BLM: variants seen among roughly 807,000 people sequenced by gnomAD.
The protein encoded by BLM is recQ-like DNA helicase BLM.
In BLM, 95 loss-of-function variants were observed where a neutral mutation model predicts 135.3. The observed-to-expected ratio is 0.70, with a 90% CI of 0.59 to 0.83. The LOEUF is 0.83. BLM is among the 40% of genes least tolerant of loss of function. The pLI is 0.00. For missense variants in BLM, 1,518 were observed against 1,663.9 expected, an observed-to-expected ratio of 0.91 and a Z score of 1.53; for synonymous variants, 520 against 589.2, an observed-to-expected ratio of 0.88 and a Z score of 1.70.
At chr15:90,772,578 C>T (rs1896351922) in intron 12 of BLM, among the ~76,000 whole-genome samples, 1 of 152,118 alleles carries the variant, frequency 6.6e-6, no homozygotes. Flanking sequence ...CTTCATATGC[C>T]TAGCAAGGGT....
At chr15:90,794,464 G>T (rs1332895294) in intron 16 of BLM, 107 bp downstream of exon 16, 2 of 828,570 alleles carry the variant, frequency 2.4e-6, no homozygotes, top group South Asian at 2.2e-5. Context: ...CAGATTAACA[G>T]GGGAAAGACA....
Position 90,804,206 on chromosome 15 carries a change from AAAC to A in BLM, c.3601_3603del (p.Gln1201del), listed in dbSNP as rs1391145517. On this transcript the variant is annotated inframe_deletion, in exon 19 of 22. Transcript: ENST00000355112. ...AACAGAAAATTCCAGCAGTGTGAAA[AAAC>A]AAAAAGCGTTAGTAGCAAAAGTGTC... 6.2e-7 allele frequency: 1 copy of A among 1,614,206 alleles called. No homozygotes were observed. The highest frequency in any genetic ancestry group is 8.5e-7 in the Non-Finnish European group (1 of 1,180,026).
intron 12 of BLM, among the ~76,000 whole-genome samples, chr15:90,771,484 C>T (rs368830448): frequency 6.6e-6 from 1 of 150,722 alleles, no homozygotes; most frequent in African/African-American, 2.4e-5. Flanking sequence ...AAGGCCCTGT[C>T]TCAAAAACAA....
intron 1 of BLM, 57 bp from the exon 2 acceptor site, chr15:90,747,332 A>C: frequency 1.5e-6 from 2 of 1,370,804 alleles, no homozygotes; most frequent in Non-Finnish European, 2.1e-6. Context: ...CTCAAAAAAC[A>C]TTGTGATTAA....
intron 12 of BLM, among the ~76,000 whole-genome samples, chr15:90,777,264 G>T (rs1003773922): frequency 1.3e-5 from 2 of 152,078 alleles, no homozygotes; most frequent in African/African-American, 4.8e-5. Context: ...TGATTCTCCT[G>T]CCTCAGCCTC....
In BLM at chr15:90,798,272, GAA is replaced by G; in HGVS notation, c.3295_3296del (p.Asn1099TyrfsTer23). The G allele has an allele frequency of 1.2e-6, 2 of 1,612,394 alleles. No individual in the cohort carries two copies. Among genetic ancestry groups the G allele is most frequent in the Non-Finnish European group, 1.7e-6 (2 of 1,179,036 alleles). ...GAACATAGTTCATCACAAGGAATGA[GAA>G]ATATAAAACATGTAGGTCCTTCTGG... On this transcript the variant is annotated frameshift_variant, in exon 17 of 22. Transcript: ENST00000355112. LOFTEE classifies it high-confidence loss of function.
intron 1 of BLM, among the ~76,000 whole-genome samples, chr15:90,743,510 C>G (rs1388273510): frequency 6.6e-6 from 1 of 151,666 alleles, no homozygotes; most frequent in Non-Finnish European, 1.5e-5. Flanking sequence ...TCCTTTATCA[C>G]TGGTCTTTGT....
chr15:90,750,244 T>C (rs924734747), intron 3 of BLM, among the ~76,000 whole-genome samples, 177 bp downstream of exon 3: 2 of 152,174 alleles, frequency 1.3e-5, no homozygotes, highest in Non-Finnish European at 1.5e-5. Flanking sequence ...ACTGATGAAA[T>C]GGAAGGTTTT....
intron 12 of BLM, among the ~76,000 whole-genome samples, chr15:90,773,791 G>A (rs904419464): frequency 6.6e-6 from 1 of 152,064 alleles, no homozygotes; most frequent in Non-Finnish European, 1.5e-5. Context: ...CCTCCATGTT[G>A]TAGCCTGTTT....
intron 1 of BLM, among the ~76,000 whole-genome samples, chr15:90,719,478 G>A (rs1338222056): frequency 6.6e-6 from 1 of 152,124 alleles, no homozygotes; most frequent in Non-Finnish European, 1.5e-5. Context: ...GTGTGCGCCT[G>A]TGGTTCTAGC....
chr15:90,775,778 C>G (rs2151172358), intron 12 of BLM, among the ~76,000 whole-genome samples: 1 of 152,186 alleles, frequency 6.6e-6, no homozygotes, highest in Middle Eastern at 3.4e-3. Context: ...TCCCAAAGTT[C>G]TGGGATTACT....
chr15:90,722,351 C>T (rs1173784684), intron 1 of BLM, among the ~76,000 whole-genome samples: 7 of 152,096 alleles, frequency 4.6e-5, no homozygotes, highest in African/African-American at 1.4e-4. Context: ...CCTCATGATC[C>T]ACCCACCTCG....
chr15:90,718,739 G>A (rs1467063857), intron 1 of BLM, among the ~76,000 whole-genome samples: 1 of 152,056 alleles, frequency 6.6e-6, no homozygotes, highest in African/African-American at 2.4e-5. Flanking sequence ...TCAGTAACCT[G>A]GAGAAGTAGT....
intron 14 of BLM, chr15:90,790,427 A>G: frequency 1.8e-6 from 1 of 562,972 alleles, no homozygotes; most frequent in Non-Finnish European, 3.2e-6. Context: ...TGCCATGCTG[A>G]GCTTCTCTTT....
intron 1 of BLM, among the ~76,000 whole-genome samples, chr15:90,741,326 A>G (rs918086035): frequency 1.3e-5 from 2 of 152,106 alleles, no homozygotes; most frequent in Non-Finnish European, 2.9e-5. Context: ...AGAGAAATCA[A>G]TTTTTTGTCC....
rs768018790 is a variant in BLM at position 90,792,651 on chromosome 15, A to G, written c.3020-1516A>G. Among the ~76,000 whole-genome samples, 31 of 152,150 alleles carry G rather than the reference A, an allele frequency of 2.0e-4. 1 individual carries two copies. The highest frequency in any genetic ancestry group is 7.2e-4 in the African/African-American group (30 of 41,392). On this transcript the variant is annotated intron_variant, in intron 15 of 21. Transcript: ENST00000355112. ...TAGTAGTATAACAATGGTAATTATT[A>G]TAGATAAGTGTTTATTTAGCCCTTC... is the stretch of plus-strand genomic sequence containing the variant.
intron 16 of BLM, 60 bp downstream of exon 16, chr15:90,794,417 T>C (rs1896982360): frequency 4.5e-6 from 6 of 1,339,722 alleles, no homozygotes; most frequent in Non-Finnish European, 6.1e-6. Flanking sequence ...ACTTTAAAAA[T>C]GTAGATACAA....
rs1226163466 is a variant in BLM, at chr15:90,815,213, G to A, written c.4188G>A (p.Leu1396=). Residue 1396 remains leucine (L), a synonymous_variant, in exon 22 of 22, where the codon TTG becomes TTA. Transcript: ENST00000355112. This position sits in a 1 kb window ranked among gnomAD's most constrained non-coding sequence, Gnocchi z 4.6. ...CGACATCAGGAGCCAATAGCAAATT[G>A]GGGATTATGGCTCCACCGAAGCCTA... is the stretch of plus-strand genomic sequence containing the variant. The part of the protein sequence containing the change: ...SQATSGANSK[L]GIMAPPKPIN... 32 of 1,613,982 alleles carry A rather than the reference G, an allele frequency of 2.0e-5. No homozygotes were observed. Among genetic ancestry groups the A allele is most frequent in the Non-Finnish European group, 2.7e-5 (32 of 1,180,026 alleles).
intron 1 of BLM, among the ~76,000 whole-genome samples, chr15:90,729,907 G>A (rs191104442): frequency 3.3e-5 from 5 of 152,112 alleles, no homozygotes; most frequent in African/African-American, 9.7e-5. Flanking sequence ...GTGCAGTGGC[G>A]TGATCTCGGC....
Sources: allele counts gnomAD v4.1 joint callset (sites outside exome capture counted in the v4.1 genomes callset), GRCh38; gene constraint gnomAD v4.1.1; non-coding constraint Gnocchi (gnomAD v3.1); transcripts MANE v1.5; gene names NCBI Gene and HGNC (gene_info 2026-07-23, HGNC 2026-07-21).